The following KCNK10 variants were observed in gnomAD, a reference collection of about 807,000 sequenced individuals.
The protein encoded by KCNK10 is potassium channel subfamily K member 10.
KCNK10 carries 25 observed loss-of-function variants against 47.7 expected under a neutral mutation model. The ratio of observed to expected loss-of-function variants is 0.52; its 90% CI spans 0.38 to 0.73. KCNK10 has a LOEUF of 0.73. KCNK10 is among the 30% of genes least tolerant of loss of function. The pLI is 0.00. For synonymous variants in KCNK10, 303 were observed against 285.6 expected (o/e 1.06, Z -0.61); for missense variants, 563 against 714.5 (o/e 0.79, Z 2.42).
Position 88,205,843 on chromosome 14 carries a change from G to A in KCNK10, c.682-13433C>T, listed in dbSNP as rs760132008. On this transcript the variant is annotated intron_variant, in intron 4 of 6. Coordinates refer to ENST00000319231, the MANE Select transcript of KCNK10 (RefSeq NM_138317.3). ...AGGCATAAGCCACCATGCCTGGCCC[G>A]TAGTGCATTTTTCTACAGCTGCCTC... Among the ~76,000 whole-genome samples the A allele has an allele frequency of 6.6e-5, 10 of 152,056 alleles. No individual in the cohort carries two copies. In the South Asian group the frequency reaches 8.3e-4, roughly 13 times the overall value.
chr14:88,205,744 A>G (rs1376410637), intron 4 of KCNK10, among the ~76,000 whole-genome samples: 3 of 151,786 alleles, frequency 2.0e-5, no homozygotes, highest in Non-Finnish European at 2.9e-5. Context: ...GAGTTTCACT[A>G]TGTTGGCCAG....
rs1017505997 is a variant in KCNK10, at chr14:88,184,778, T to C, written c.*757A>G. 6.6e-6 allele frequency: 1 copy of C among 152,368 alleles called. No homozygotes were observed. Among genetic ancestry groups the C allele is most frequent in the Admixed American group, 6.5e-5 (1 of 15,278 alleles). The allele number at this position is 152,368 out of a possible 1,614,324, so 9.4% of individuals were successfully genotyped here. ...TTTAACCACGCAGCAGTTGATGTCA[T>C]GTTTTCACCACTGCTCGCCAGTTCA... is the stretch of plus-strand genomic sequence containing the variant. On this transcript the variant is annotated 3_prime_UTR_variant, in exon 7 of 7. Coordinates refer to ENST00000319231, the MANE Select transcript of KCNK10 (RefSeq NM_138317.3).
intron 5 of KCNK10, 62 bp downstream of exon 5, chr14:88,192,162 C>A: frequency 6.8e-7 from 1 of 1,475,578 alleles, no homozygotes; most frequent in East Asian, 2.3e-5. Flanking sequence ...TTGCGAAAAG[C>A]ACAGCCAACA....
intron 4 of KCNK10, among the ~76,000 whole-genome samples, chr14:88,220,545 A>G (rs1454749002): frequency 6.6e-6 from 1 of 151,652 alleles, no homozygotes; most frequent in Non-Finnish European, 1.5e-5. Context: ...AGCCCAAAAT[A>G]GAACCACATA....
At chr14:88,250,515 T>G (rs1347820258) in intron 2 of KCNK10, among the ~76,000 whole-genome samples, 1 of 152,106 alleles carries the variant, frequency 6.6e-6, no homozygotes, top group Admixed American at 6.5e-5. Flanking sequence ...AAAGACTGCT[T>G]GAAATAGGGG....
intron 4 of KCNK10, among the ~76,000 whole-genome samples, chr14:88,196,398 AC>A (rs1365531092): frequency 6.6e-6 from 1 of 152,244 alleles, no homozygotes; most frequent in African/African-American, 2.4e-5. Context: ...GGGCTAAGCC[AC>A]ATGTCCAATT....
At chr14:88,309,639 G>T (rs1318285152) in intron 1 of KCNK10, among the ~76,000 whole-genome samples, 6 of 151,912 alleles carry the variant, frequency 3.9e-5, no homozygotes, top group African/African-American at 1.2e-4. Context: ...TTAATAAAAG[G>T]CCCCAACACC....
intron 4 of KCNK10, among the ~76,000 whole-genome samples, chr14:88,193,098 A>T (rs190948108): frequency 6.6e-6 from 1 of 152,188 alleles, no homozygotes; most frequent in Non-Finnish European, 1.5e-5. Context: ...TGACTGTATC[A>T]CTCACAAGAG....
At chr14:88,270,919 C>T in intron 1 of KCNK10, 1 of 736,640 alleles carries the variant, frequency 1.4e-6, no homozygotes, top group Non-Finnish European at 2.5e-6. Flanking sequence ...TGCTCCCTGA[C>T]TCTCCCTTCC....
intron 1 of KCNK10, among the ~76,000 whole-genome samples, chr14:88,311,297 T>A (rs1345329446): frequency 6.6e-6 from 1 of 151,958 alleles, no homozygotes; most frequent in Non-Finnish European, 1.5e-5. Flanking sequence ...TGTGTCATCC[T>A]CCCACTTCAA....
At chr14:88,235,652 G>A (rs998742223) in intron 3 of KCNK10, among the ~76,000 whole-genome samples, 6 of 151,942 alleles carry the variant, frequency 3.9e-5, no homozygotes, top group Non-Finnish European at 8.8e-5. Context: ...ACAAACTAAA[G>A]GAATAGGGAG....
intron 4 of KCNK10, among the ~76,000 whole-genome samples, chr14:88,201,468 T>A (rs1885099109): frequency 6.6e-6 from 1 of 152,072 alleles, no homozygotes; most frequent in Non-Finnish European, 1.5e-5. Context: ...GAGACCAGCC[T>A]GGCCAATATG....
intron 4 of KCNK10, among the ~76,000 whole-genome samples, chr14:88,197,503 GGCAGAGGTT>G (rs1311115627): frequency 4.2e-5 from 6 of 143,072 alleles, no homozygotes; most frequent in African/African-American, 1.6e-4. Context: ...GAACCCGGGA[GGCAGAGGTT>G]GCAGCGAGCC....
intron 1 of KCNK10, among the ~76,000 whole-genome samples, chr14:88,301,437 T>G (rs1488563831): frequency 6.6e-6 from 1 of 152,178 alleles, no homozygotes; most frequent in Non-Finnish European, 1.5e-5. Context: ...GTTTATAAAT[T>G]TTTTAGTTTT....
At chr14:88,274,323 T>C (rs1887477751) in intron 1 of KCNK10, among the ~76,000 whole-genome samples, 1 of 151,614 alleles carries the variant, frequency 6.6e-6, no homozygotes, top group African/African-American at 2.4e-5. Context: ...AAAGCAAAAC[T>C]GAAAAATATT....
chr14:88,231,782 G>T (rs936347050), intron 3 of KCNK10, among the ~76,000 whole-genome samples: 10 of 152,164 alleles, frequency 6.6e-5, no homozygotes, highest in African/African-American at 2.4e-4. Flanking sequence ...GTGCCTGAAG[G>T]TATTCCGTTT....
chr14:88,245,916 G>A (rs1037853331), intron 2 of KCNK10, among the ~76,000 whole-genome samples: 10 of 152,120 alleles, frequency 6.6e-5, no homozygotes, highest in Non-Finnish European at 1.0e-4. Flanking sequence ...TTTGTCTCTC[G>A]AGAAAGGACT....
intron 1 of KCNK10, among the ~76,000 whole-genome samples, chr14:88,317,408 T>C (rs1331903664): frequency 3.3e-5 from 5 of 152,162 alleles, no homozygotes; most frequent in Admixed American, 6.5e-5. Flanking sequence ...GCTCATAGAA[T>C]GAAAGTGTAG....
chr14:88,237,958 G>A (rs1276364937), intron 3 of KCNK10, among the ~76,000 whole-genome samples: 1 of 152,180 alleles, frequency 6.6e-6, no homozygotes, highest in Non-Finnish European at 1.5e-5. Context: ...CTGTAACTAT[G>A]AAAGTCCTAG....
Sources: gnomAD v4.1 joint callset for allele counts (sites outside exome capture counted in the v4.1 genomes callset) on GRCh38, gnomAD v4.1.1 for gene constraint, MANE v1.5 for transcripts, NCBI Gene and HGNC (gene_info 2026-07-23, HGNC 2026-07-21) for gene names.